Variants in FBXL18 observed in about 807,000 individuals in gnomAD.
The protein encoded by FBXL18 is F-box/LRR-repeat protein 18.
A neutral mutation model predicts 46.0 loss-of-function variants in FBXL18; 36 were observed. The ratio of observed to expected loss-of-function variants is 0.78; its 90% CI spans 0.60 to 1.03. The LOEUF is 1.03. FBXL18 is among the 50% of genes least tolerant of loss of function. The pLI is 0.00. For synonymous variants in FBXL18, 557 were observed against 465.3 expected (o/e 1.20, Z -2.54); for missense variants, 977 against 1,004.1 (o/e 0.97, Z 0.36).
At chr7:5,459,706 C>A (rs1783217026) in intron 4 of FBXL18, among the ~76,000 whole-genome samples, 1 of 150,220 alleles carries the variant, frequency 6.7e-6, no homozygotes, top group African/African-American at 2.5e-5. Context: ...TGCCACTGCA[C>A]TCCAGCCTGG....
intron 3 of FBXL18, among the ~76,000 whole-genome samples, chr7:5,491,658 G>C (rs774987187): frequency 6.6e-6 from 1 of 152,180 alleles, no homozygotes; most frequent in East Asian, 1.9e-4. Context: ...ATTTGGAGGC[G>C]ACCCGGTGGG....
chr7:5,500,487 C>A lies in FBXL18; in HGVS notation c.1781+1G>T. ...CCGAGAGGTCCCCGCGGCCCCCTCA[C>A]CTGAGGTCCCTCAGCCGCTTGCAGT... On this transcript the variant is annotated splice_donor_variant, in intron 3 of 4. Coordinates refer to ENST00000382368, the MANE Select transcript of FBXL18 (RefSeq NM_024963.6). LOFTEE classifies it high-confidence loss of function. The A allele has an allele frequency of 6.3e-7, 1 of 1,595,876 alleles. No homozygotes were observed. Among genetic ancestry groups the A allele is most frequent in the Non-Finnish European group, 8.6e-7 (1 of 1,169,056 alleles).
At chr7:5,468,044 A>T (rs368506505) in intron 4 of FBXL18, among the ~76,000 whole-genome samples, 3 of 148,918 alleles carry the variant, frequency 2.0e-5, no homozygotes, top group Non-Finnish European at 3.0e-5. Flanking sequence ...GTGCAGTGGC[A>T]CGATCTCGGC....
At chr7:5,499,876 T>C (rs1401060491) in intron 3 of FBXL18, among the ~76,000 whole-genome samples, 1 of 151,478 alleles carries the variant, frequency 6.6e-6, no homozygotes, top group Non-Finnish European at 1.5e-5. Flanking sequence ...CTGGGCAACA[T>C]AGTGAGACCT....
intron 4 of FBXL18, among the ~76,000 whole-genome samples, chr7:5,490,574 G>A (rs1296902165): frequency 1.3e-5 from 2 of 152,204 alleles, no homozygotes; most frequent in African/African-American, 4.8e-5. Context: ...AGAAGGAAAG[G>A]TTCTCTGTTC....
At chr7:5,485,206 C>T (rs2128234524) in intron 4 of FBXL18, among the ~76,000 whole-genome samples, 1 of 152,266 alleles carries the variant, frequency 6.6e-6, no homozygotes, top group South Asian at 2.1e-4. Flanking sequence ...TTGGATGTCC[C>T]TGGGTGATGT....
In FBXL18 at chr7:5,481,037, G is replaced by T. The variant is rs1191183410; in HGVS notation, c.*738C>A. 2 of 151,424 alleles carry T rather than the reference G, an allele frequency of 1.3e-5. No homozygotes were observed. Among genetic ancestry groups the T allele is most frequent in the Non-Finnish European group, 2.9e-5 (2 of 67,890 alleles). 9.4% of individuals were successfully genotyped at this position (151,424 alleles called of 1,614,324 possible). On this transcript the variant is annotated 3_prime_UTR_variant, in exon 5 of 5. Transcript: ENST00000382368. ...TCCCAGGGAAGCTGAAGGCCGTGGG[G>T]TGGGTGGGAGGGGGAGGAGGCCTCT...
intron 3 of FBXL18, among the ~76,000 whole-genome samples, chr7:5,495,657 G>T (rs1432887557): frequency 1.3e-5 from 2 of 152,190 alleles, no homozygotes; most frequent in African/African-American, 4.8e-5. Context: ...AGAGACTCCG[G>T]CCGCCCCAGG....
At chr7:5,503,004 T>A (rs1018008058) in intron 2 of FBXL18, among the ~76,000 whole-genome samples, 4 of 152,080 alleles carry the variant, frequency 2.6e-5, no homozygotes, top group Non-Finnish European at 5.9e-5. Flanking sequence ...AAGCCACAGG[T>A]ACAAACAGCC....
rs753302738 is a variant in FBXL18 at position 5,500,998 on chromosome 7, G to C, written c.1271C>G (p.Ser424Cys). 6.3e-7 allele frequency: 1 copy of C among 1,586,644 alleles called. No individual in the cohort carries two copies. Among genetic ancestry groups the C allele is most frequent in the Non-Finnish European group, 8.6e-7 (1 of 1,169,468 alleles). Residue 424 changes from serine to cysteine, a missense_variant, in exon 3 of 5, where the codon TCT becomes TGT. Physicochemically the swap from Ser to Cys is moderately radical, Grantham distance 112. Coordinates refer to ENST00000382368, the MANE Select transcript of FBXL18 (RefSeq NM_024963.6). Reference protein sequence around the residue: ...HLRSLSLPVCSVADSAPRADR... With the variant: ...HLRSLSLPVCCVADSAPRADR... ...GGCGCGCGGCGCGGAGTCAGCGACAGAGCAGACAGGCAGGGAGAGGGAGCG... is the reference window on the plus strand; with the variant it reads ...GGCGCGCGGCGCGGAGTCAGCGACACAGCAGACAGGCAGGGAGAGGGAGCG...
At chr7:5,492,584 T>C (rs947409912) in intron 3 of FBXL18, among the ~76,000 whole-genome samples, 3 of 151,984 alleles carry the variant, frequency 2.0e-5, no homozygotes, top group African/African-American at 7.2e-5. Flanking sequence ...CCTTGGGACC[T>C]GAGGGTGTGG....
At chr7:5,491,105 T>C in intron 4 of FBXL18, 126 bp downstream of exon 4, 1 of 873,678 alleles carries the variant, frequency 1.1e-6, no homozygotes, top group East Asian at 2.7e-5. Context: ...TTTCACCCTG[T>C]CACTGCCTGG....
In FBXL18 at chr7:5,479,393, C is replaced by T. The variant is rs930689882; in HGVS notation, c.*2382G>A. 2 of 152,376 alleles carry T rather than the reference C, an allele frequency of 1.3e-5. No homozygotes were observed. Among genetic ancestry groups the T allele is most frequent in the Non-Finnish European group, 2.9e-5 (2 of 68,210 alleles). The allele number at this position is 152,376 out of a possible 1,614,324, so 9.4% of individuals were successfully genotyped here. On this transcript the variant is annotated 3_prime_UTR_variant, in exon 5 of 5. Transcript: ENST00000382368. ...GGGGCGGAGCTGCGGTGCCCAGAGA[C>T]ACAGGCCCCCTGAGGGTCCGGGAAC...
downstream of FBXL18, among the ~76,000 whole-genome samples, chr7:5,475,044 C>T (rs1296348192): frequency 1.3e-5 from 2 of 148,200 alleles, no homozygotes; most frequent in South Asian, 2.3e-4. The surrounding 1 kb of genome is among the most constrained non-coding windows in gnomAD (Gnocchi z 4.2). Flanking sequence ...ATGGTCCAGG[C>T]CTGGTGGCTC....
At chr7:5,507,113 C>G (rs1436979469) in intron 1 of FBXL18, among the ~76,000 whole-genome samples, 1 of 152,140 alleles carries the variant, frequency 6.6e-6, no homozygotes, top group African/African-American at 2.4e-5. Context: ...ACTACATCAT[C>G]TTTCTGGGGA....
chr7:5,491,123 C>T, intron 4 of FBXL18, 108 bp downstream of exon 4: 1 of 1,051,470 alleles, frequency 9.5e-7, no homozygotes, highest in Non-Finnish European at 1.4e-6. Flanking sequence ...TGGTGCTCGT[C>T]AATTCCAAGA....
intron 3 of FBXL18, chr7:5,495,933 T>A (rs377329269): frequency 8.5e-6 from 4 of 470,964 alleles, no homozygotes; most frequent in South Asian, 6.2e-5. Context: ...TCCACAGAGA[T>A]GGCATTATGA....
At chr7:5,469,702 G>T (rs1562675452) in intron 4 of FBXL18, among the ~76,000 whole-genome samples, 1 of 152,030 alleles carries the variant, frequency 6.6e-6, no homozygotes, top group African/African-American at 2.4e-5. Context: ...AAAGCATGGG[G>T]TGTCCGTGTA....
intron 2 of FBXL18, among the ~76,000 whole-genome samples, chr7:5,502,268 C>G (rs1784287150): frequency 6.6e-6 from 1 of 152,236 alleles, no homozygotes; most frequent in African/African-American, 2.4e-5. Context: ...GGCACGGTGG[C>G]TCATGCCTGT....
Sources: allele counts gnomAD v4.1 joint callset (sites outside exome capture counted in the v4.1 genomes callset), GRCh38; gene constraint gnomAD v4.1.1; non-coding constraint Gnocchi (gnomAD v3.1); transcripts MANE v1.5; gene names NCBI Gene and HGNC (gene_info 2026-07-23, HGNC 2026-07-21).